Variants in GRK5 observed in about 807,000 individuals in gnomAD.
GRK5 encodes G protein-coupled receptor kinase 5.
Under a neutral mutation model 78.4 loss-of-function variants are expected in GRK5, and 40 were observed. That is an observed-to-expected ratio of 0.51 (90% confidence interval 0.40 to 0.66). The LOEUF is 0.66. GRK5 is among the 30% of genes least tolerant of loss of function. The pLI is 0.00. For synonymous variants in GRK5, 289 were observed against 296.8 expected (o/e 0.97, Z 0.27); for missense variants, 598 against 759.9 (o/e 0.79, Z 2.50).
rs1328668639 is a variant in GRK5, at chr10:119,456,020, G to T, written c.*953G>T. On this transcript the variant is annotated 3_prime_UTR_variant, in exon 16 of 16. Transcript: ENST00000392870. The surrounding 1 kb of genome is among the most constrained non-coding windows in gnomAD (Gnocchi z 5.5). ...TTTAACAGAAGCATAGGACCGTAAA[G>T]ATGTGTCATGAAACCCCAAGTGTCC... The T allele has an allele frequency of 6.6e-6, 1 of 152,312 alleles. No homozygotes were observed. The highest frequency in any genetic ancestry group is 1.5e-5 in the Non-Finnish European group (1 of 68,100). 9.4% of individuals were successfully genotyped at this position (152,312 alleles called of 1,614,324 possible).
chr10:119,338,523 T>A (rs1850932167), intron 2 of GRK5, among the ~76,000 whole-genome samples: 1 of 152,234 alleles, frequency 6.6e-6, no homozygotes, highest in Admixed American at 6.5e-5. Flanking sequence ...CAAAAATGTT[T>A]TCCCTTGTCA....
chr10:119,364,971 T>C (rs562783119), intron 2 of GRK5, among the ~76,000 whole-genome samples: 1 of 152,182 alleles, frequency 6.6e-6, no homozygotes, highest in African/African-American at 2.4e-5. Context: ...TTCCCAGTTA[T>C]CTCTCTTGTG....
rs1849977786 is a variant in GRK5 at position 119,291,974 on chromosome 10, C to CCTCCTCTTCCTCCTT, written c.53-34539_53-34525dup. On this transcript the variant is annotated intron_variant, in intron 1 of 15. Coordinates refer to ENST00000392870, the MANE Select transcript of GRK5 (RefSeq NM_005308.3). ...TCCTTCTCCTCCTCTTCCTCCTTCT[C>CCTCCTCTTCCTCCTT]CTCCTCTTCCTCCTTCTTCTCCTCC... Among the ~76,000 whole-genome samples, 2 of 140,092 alleles carry CCTCCTCTTCCTCCTT rather than the reference C, an allele frequency of 1.4e-5. 1 individual carries two copies. The highest frequency in any genetic ancestry group is 4.3e-4 in the East Asian group (2 of 4,646). 91.9% of individuals were successfully genotyped at this position (140,092 alleles called of 152,430 possible). A position where few individuals can be genotyped will look rare whatever the true frequency, so the allele number is the denominator to read the frequency against.
intron 4 of GRK5, among the ~76,000 whole-genome samples, chr10:119,414,815 C>T (rs574162584): frequency 2.0e-5 from 3 of 152,200 alleles, no homozygotes; most frequent in South Asian, 2.1e-4. Context: ...GGTGTGGTGA[C>T]GCATACCTGT....
At chr10:119,402,450 G>C (rs547035410) in intron 4 of GRK5, among the ~76,000 whole-genome samples, 23 of 152,296 alleles carry the variant, frequency 1.5e-4, no homozygotes, top group Non-Finnish European at 2.8e-4. Flanking sequence ...TCAGGAGAGG[G>C]GAGGGTCACT....
intron 1 of GRK5, among the ~76,000 whole-genome samples, chr10:119,230,473 G>T (rs1848807418): frequency 6.6e-6 from 1 of 152,124 alleles, no homozygotes; most frequent in African/African-American, 2.4e-5. Context: ...TAGGATGGCA[G>T]CAGGCAAAGA....
At chr10:119,292,580 G>A (rs542245281) in intron 1 of GRK5, among the ~76,000 whole-genome samples, 4 of 152,258 alleles carry the variant, frequency 2.6e-5, no homozygotes, top group Non-Finnish European at 5.9e-5. Context: ...TAGATGGGAT[G>A]CGGTGAGGGA....
At chr10:119,359,189 G>A (rs1272501253) in intron 2 of GRK5, among the ~76,000 whole-genome samples, 2 of 152,288 alleles carry the variant, frequency 1.3e-5, no homozygotes, top group East Asian at 3.9e-4. Flanking sequence ...CTGTGCCAGA[G>A]GCCAGGGGTG....
intron 4 of GRK5, among the ~76,000 whole-genome samples, chr10:119,416,614 T>A (rs1282465254): frequency 6.6e-6 from 1 of 151,372 alleles, no homozygotes; most frequent in Non-Finnish European, 1.5e-5. Flanking sequence ...AATTTGAGAC[T>A]GCTTCTCACT....
At chr10:119,313,068 G>A (rs1316623334) in intron 1 of GRK5, among the ~76,000 whole-genome samples, 3 of 144,850 alleles carry the variant, frequency 2.1e-5, no homozygotes, top group African/African-American at 5.2e-5. Context: ...GATGGTGGTG[G>A]TGATGGTGGT....
intron 3 of GRK5, among the ~76,000 whole-genome samples, chr10:119,394,093 G>T (rs563316125): frequency 1.9e-3 from 220 of 115,768 alleles, no homozygotes; most frequent in African/African-American, 7.2e-3. Flanking sequence ...GGGTATCTGT[G>T]TGTGTCTGCG....
At chr10:119,436,882 G>T in intron 9 of GRK5, 41 bp downstream of exon 9, 1 of 1,543,836 alleles carries the variant, frequency 6.5e-7, no homozygotes, top group Non-Finnish European at 8.8e-7. Flanking sequence ...CTAAGTCCGA[G>T]GGGGTGGGGC....
In GRK5 at chr10:119,332,496, G is replaced by A. The variant is rs147705843; in HGVS notation, c.148+5885G>A. On this transcript the variant is annotated intron_variant, in intron 2 of 15. Coordinates refer to ENST00000392870, the MANE Select transcript of GRK5 (RefSeq NM_005308.3). ...TAGGAATGGATCTTTGATTTCTGCC[G>A]GTGACAAGTCCCCGGCACTGCTGAC... Among the ~76,000 whole-genome samples, 957 of 152,230 alleles carry A rather than the reference G, an allele frequency of 6.3e-3. 11 individuals carry two copies. Among genetic ancestry groups the A allele is most frequent in the African/African-American group, 0.019 (790 of 41,528 alleles).
intron 1 of GRK5, among the ~76,000 whole-genome samples, chr10:119,258,911 C>G (rs1421682751): frequency 6.6e-6 from 1 of 152,182 alleles, no homozygotes; most frequent in African/African-American, 2.4e-5. Context: ...CAGCCTGCCC[C>G]CTTCTCAGGA....
At chr10:119,363,146 T>G (rs1851392268) in intron 2 of GRK5, among the ~76,000 whole-genome samples, 1 of 151,826 alleles carries the variant, frequency 6.6e-6, no homozygotes, top group Non-Finnish European at 1.5e-5. Flanking sequence ...CTGGGAGTGG[T>G]GGCAGACGCC....
chr10:119,320,711 A>C (rs1589743020), intron 1 of GRK5, among the ~76,000 whole-genome samples: 1 of 152,238 alleles, frequency 6.6e-6, no homozygotes, highest in Non-Finnish European at 1.5e-5. Flanking sequence ...AGAGGCAGGG[A>C]GGGAAATAAA....
chr10:119,345,673 T>C (rs950278256), intron 2 of GRK5, among the ~76,000 whole-genome samples: 1 of 152,176 alleles, frequency 6.6e-6, no homozygotes, highest in Non-Finnish European at 1.5e-5. Context: ...CAAGGGTCTG[T>C]CCACTGCCTA....
intron 1 of GRK5, among the ~76,000 whole-genome samples, chr10:119,308,777 C>G (rs1460243414): frequency 6.6e-6 from 1 of 152,244 alleles, no homozygotes; most frequent in African/African-American, 2.4e-5. Context: ...CAGCTGCTTC[C>G]TGGTTCCAGG....
At chr10:119,392,604 A>C (rs1033117132) in intron 3 of GRK5, among the ~76,000 whole-genome samples, 1 of 152,056 alleles carries the variant, frequency 6.6e-6, no homozygotes. Flanking sequence ...GGGTTTCACT[A>C]TGTTGGGCAG....
Sources: gnomAD v4.1 joint callset for allele counts (sites outside exome capture counted in the v4.1 genomes callset) on GRCh38, gnomAD v4.1.1 for gene constraint, Gnocchi (gnomAD v3.1) non-coding constraint, MANE v1.5 for transcripts, NCBI Gene and HGNC (gene_info 2026-07-23, HGNC 2026-07-21) for gene names.